The following TENM2 variants were observed in gnomAD, a reference collection of about 807,000 sequenced individuals.
TENM2 encodes teneurin transmembrane protein 2, also known as teneurin-2.
A neutral mutation model predicts 245.2 loss-of-function variants in TENM2; 52 were observed. The ratio of observed to expected loss-of-function variants is 0.21; its 90% CI spans 0.17 to 0.27. TENM2 has a LOEUF of 0.27. TENM2 is among the 10% of genes least tolerant of loss of function. The probability of loss-of-function intolerance (pLI) is 1.00; values close to 1 mark genes in which losing one functional copy is unlikely to be tolerated. For missense variants in TENM2, 3,046 were observed against 3,666.8 expected, an observed-to-expected ratio of 0.83 and a Z score of 4.37; for synonymous variants, 1,363 against 1,438.9, an observed-to-expected ratio of 0.95 and a Z score of 1.19.
At chr5:168,003,615 C>G (rs1031633450) in intron 5 of TENM2, among the ~76,000 whole-genome samples, 2 of 152,108 alleles carry the variant, frequency 1.3e-5, no homozygotes, top group Admixed American at 6.6e-5. Context: ...TTTCTTGAAC[C>G]TATAAGTCCA....
At chr5:168,121,705 G>T (rs919737) in intron 10 of TENM2, among the ~76,000 whole-genome samples, 45,794 of 149,778 alleles carry the variant, frequency 0.31, 7,382 homozygotes, top group East Asian at 0.63. Context: ...ATCCTTCTAA[G>T]AAAAAGATTG....
intron 2 of TENM2, among the ~76,000 whole-genome samples, chr5:167,632,556 G>A (rs17068869): frequency 0.023 from 3,494 of 152,214 alleles, 68 homozygotes; most frequent in African/African-American, 0.047. Context: ...ATCCCACAGC[G>A]ATTAAGTTTT....
At chr5:167,084,581 G>T in the TENM2 span, among the ~76,000 whole-genome samples, 1 of 151,496 alleles carries the variant, frequency 6.6e-6, no homozygotes, top group East Asian at 1.9e-4. Context: ...ACACTCCATG[G>T]TACACTATGT....
At chr5:167,654,635 T>G (rs1754718476) in intron 2 of TENM2, among the ~76,000 whole-genome samples, 1 of 152,076 alleles carries the variant, frequency 6.6e-6, no homozygotes, top group Admixed American at 6.6e-5. Context: ...TCATCTAGCA[T>G]TATGCAGTGA....
rs200574779 is a variant in TENM2, at chr5:168,253,424, A to ATTTT, written c.7432+5054_7432+5057dup. ...AAAAAAGCTAATAAATGCATTCATT[A>ATTTT]TTTTATTTTTTTTTTTTTTGAGACA... On this transcript the variant is annotated intron_variant, in intron 27 of 28. Coordinates refer to ENST00000518659, the Ensembl canonical transcript of TENM2. 1.4e-4 allele frequency among the ~76,000 whole-genome samples: 19 copies of ATTTT among 139,830 alleles called. 3 individuals carry two copies. The highest frequency in any genetic ancestry group is 3.0e-4 in the African/African-American group (11 of 37,140). The allele number at this position is 139,830 out of a possible 152,430, so 91.7% of individuals were successfully genotyped here. A position where few individuals can be genotyped will look rare whatever the true frequency, so the allele number is the denominator to read the frequency against.
the TENM2 span, among the ~76,000 whole-genome samples, chr5:167,205,435 A>G: frequency 6.6e-6 from 1 of 152,112 alleles, no homozygotes; most frequent in Admixed American, 6.5e-5. Context: ...TGCTTCCAAT[A>G]ATAGTTCTTT....
chr5:167,107,019 T>C, the TENM2 span, among the ~76,000 whole-genome samples: 9 of 146,020 alleles, frequency 6.2e-5, no homozygotes, highest in South Asian at 1.7e-3. Flanking sequence ...CCGAGGCAGG[T>C]GGATTGCCTG....
chr5:168,148,906 G>GATAC (rs1756372495), intron 12 of TENM2, among the ~76,000 whole-genome samples: 2 of 136,262 alleles, frequency 1.5e-5, no homozygotes, highest in South Asian at 4.6e-4. Flanking sequence ...TAGATAGATA[G>GATAC]ATAGATAGAT....
chr5:167,392,390 T>C (rs555080900), intron 2 of TENM2, among the ~76,000 whole-genome samples: 84 of 152,258 alleles, frequency 5.5e-4, no homozygotes, highest in South Asian at 4.1e-4. Flanking sequence ...GGAAAGTCAA[T>C]GGTCTCCCCC....
intron 2 of TENM2, among the ~76,000 whole-genome samples, chr5:167,715,321 A>G (rs912593966): frequency 1.3e-5 from 2 of 152,166 alleles, no homozygotes; most frequent in Non-Finnish European, 2.9e-5. Context: ...GAAAATATCT[A>G]CAAAAAAATA....
chr5:168,218,466 T>C lies in TENM2; in HGVS notation c.4575T>C (p.Asp1525=), dbSNP rs758647722. The change falls in exon 23 of 29, where the codon GAT becomes GAC. Residue 1525 remains aspartate (D), a synonymous_variant. Transcript: ENST00000518659. This position sits in a 1 kb window ranked among gnomAD's most constrained non-coding sequence, Gnocchi z 5.2. ...CCTCGGACTGCGACTGCAAAAACGATGTCAATTGCAACTGCTATTCAGGAG... is the reference window on the plus strand; with the variant it reads ...CCTCGGACTGCGACTGCAAAAACGACGTCAATTGCAACTGCTATTCAGGAG... 5 of 1,613,916 alleles carry C rather than the reference T, an allele frequency of 3.1e-6. No homozygotes were observed. The East Asian group carries it at 8.9e-5, about 29-fold the overall frequency.
chr5:167,966,074 C>T (rs1295769678), intron 4 of TENM2, among the ~76,000 whole-genome samples: 1 of 152,134 alleles, frequency 6.6e-6, no homozygotes, highest in Non-Finnish European at 1.5e-5. Flanking sequence ...TTGTCAAACT[C>T]ATAAGCCAGG....
At chr5:167,667,066 T>C (rs1755625858) in intron 2 of TENM2, among the ~76,000 whole-genome samples, 1 of 152,168 alleles carries the variant, frequency 6.6e-6, no homozygotes, top group African/African-American at 2.4e-5. Context: ...CTTTTAAAAA[T>C]ACACAGGTCT....
chr5:167,591,222 A>G (rs1211192907), intron 2 of TENM2, among the ~76,000 whole-genome samples: 2 of 152,222 alleles, frequency 1.3e-5, no homozygotes, highest in Non-Finnish European at 2.9e-5. Context: ...ATATTTTACC[A>G]GTTTAGAATA....
intron 2 of TENM2, among the ~76,000 whole-genome samples, chr5:167,839,553 C>CTGTG (rs748719441): frequency 8.1e-5 from 12 of 148,558 alleles, no homozygotes; most frequent in African/African-American, 2.2e-4. Flanking sequence ...TGTGAGGTGT[C>CTGTG]TGTGTGTGTG....
chr5:167,578,029 CA>C (rs1774830947), intron 2 of TENM2, among the ~76,000 whole-genome samples: 1 of 152,112 alleles, frequency 6.6e-6, no homozygotes, highest in South Asian at 2.1e-4. Context: ...GGGCACATGC[CA>C]AAAGGGAACA....
intron 1 of TENM2, among the ~76,000 whole-genome samples, chr5:167,312,907 C>T (rs374249509): frequency 2.1e-5 from 2 of 94,734 alleles, no homozygotes; most frequent in African/African-American, 6.2e-5. Context: ...GACCTTGACT[C>T]TTTTTTTTTT....
chr5:167,713,378 C>G (rs528890104), intron 2 of TENM2, among the ~76,000 whole-genome samples: 82 of 151,382 alleles, frequency 5.4e-4, no homozygotes, highest in African/African-American at 2.0e-3. Flanking sequence ...GCTCTCACTT[C>G]AGCTTCCTAT....
At chr5:167,520,738 G>A (rs988913097) in intron 2 of TENM2, among the ~76,000 whole-genome samples, 4 of 151,694 alleles carry the variant, frequency 2.6e-5, no homozygotes, top group Non-Finnish European at 4.4e-5. Flanking sequence ...TTTTCTCCAC[G>A]TCATGGCGCT....
Sources: gnomAD v4.1 joint callset for allele counts (sites outside exome capture counted in the v4.1 genomes callset) on GRCh38, gnomAD v4.1.1 for gene constraint, Gnocchi (gnomAD v3.1) non-coding constraint, MANE v1.5 for transcripts, NCBI Gene and HGNC (gene_info 2026-07-23, HGNC 2026-07-21) for gene names.